The following EXOC6B variants were observed in gnomAD, a reference collection of about 807,000 sequenced individuals.
EXOC6B encodes exocyst complex component 6B, also known as SEC15 homolog B.
EXOC6B carries 54 observed loss-of-function variants against 113.5 expected under a neutral mutation model. The ratio of observed to expected loss-of-function variants is 0.48; its 90% CI spans 0.38 to 0.60. EXOC6B has a LOEUF of 0.60. Ranked by LOEUF, EXOC6B falls within the 20% of genes least tolerant of loss-of-function variation. The probability of loss-of-function intolerance (pLI) is 0.00; values close to 1 mark genes in which losing one functional copy is unlikely to be tolerated. For missense variants in EXOC6B, 797 were observed against 977.5 expected, an observed-to-expected ratio of 0.82 and a Z score of 2.46; for synonymous variants, 357 against 339.0, an observed-to-expected ratio of 1.05 and a Z score of -0.58.
intron 6 of EXOC6B, among the ~76,000 whole-genome samples, chr2:72,607,636 C>T (rs1355955764): frequency 6.6e-6 from 1 of 152,060 alleles, no homozygotes; most frequent in African/African-American, 2.4e-5. Flanking sequence ...ATTCACTGAT[C>T]TATACACAGA....
At position 72,825,934 on chromosome 2, in the gene EXOC6B, G is replaced by A; in HGVS notation, c.-24C>T. The A allele has an allele frequency of 6.2e-7, 1 of 1,608,904 alleles. No individual in the cohort carries two copies. Among genetic ancestry groups the A allele is most frequent in the Non-Finnish European group, 8.5e-7 (1 of 1,178,832 alleles). On this transcript the variant is annotated 5_prime_UTR_variant, in exon 1 of 22. In the 5' UTR this introduces an upstream ATG that the reference lacks. Transcript: ENST00000272427. The surrounding 1 kb of genome is among the most constrained non-coding windows in gnomAD (Gnocchi z 4.4). ...ATAGACTGGGGGCGCCCCGCAGCGCGTCCCCTCCGTCGGCTCGGCTCACCT... is the reference window on the plus strand; with the variant it reads ...ATAGACTGGGGGCGCCCCGCAGCGCATCCCCTCCGTCGGCTCGGCTCACCT...
At chr2:72,270,228 GGGTGGTCAAAAT>G (rs1444113639) in intron 20 of EXOC6B, among the ~76,000 whole-genome samples, 1 of 152,066 alleles carries the variant, frequency 6.6e-6, no homozygotes, top group Non-Finnish European at 1.5e-5. Context: ...TAAAACCCCT[GGGTGGTCAAAAT>G]TTGGAGTACT....
chr2:72,506,507 A>C (rs1700604247), intron 11 of EXOC6B, among the ~76,000 whole-genome samples: 1 of 152,148 alleles, frequency 6.6e-6, no homozygotes, highest in Non-Finnish European at 1.5e-5. Flanking sequence ...TGAGTGTTTA[A>C]CCTATCTATC....
intron 6 of EXOC6B, among the ~76,000 whole-genome samples, chr2:72,590,056 T>C (rs1438404331): frequency 2.0e-5 from 3 of 152,002 alleles, no homozygotes; most frequent in Non-Finnish European, 2.9e-5. Flanking sequence ...AGCCAGGACA[T>C]AACGTCTCCT....
At chr2:72,627,025 G>C (rs1203491410) in intron 6 of EXOC6B, among the ~76,000 whole-genome samples, 1 of 151,968 alleles carries the variant, frequency 6.6e-6, no homozygotes, top group East Asian at 1.9e-4. Context: ...AGGGTGGGTG[G>C]GTTGAAGATT....
intron 1 of EXOC6B, among the ~76,000 whole-genome samples, chr2:72,788,701 G>A (rs542396392): frequency 5.1e-4 from 78 of 152,302 alleles, no homozygotes; most frequent in African/African-American, 1.8e-3. Context: ...CAGAGGCTGA[G>A]GTGGAAGGAT....
chr2:72,689,551 AT>A (rs1358350477), intron 6 of EXOC6B, among the ~76,000 whole-genome samples: 3 of 152,142 alleles, frequency 2.0e-5, no homozygotes, highest in Non-Finnish European at 4.4e-5. Flanking sequence ...GATATAATTG[AT>A]TGGCTATGAA....
intron 1 of EXOC6B, among the ~76,000 whole-genome samples, chr2:72,800,432 A>C (rs1346368621): frequency 6.6e-6 from 1 of 152,218 alleles, no homozygotes. Flanking sequence ...CTGTCATAAA[A>C]AAATCAAAAT....
intron 6 of EXOC6B, among the ~76,000 whole-genome samples, chr2:72,618,962 A>G (rs1397421669): frequency 6.6e-6 from 1 of 152,250 alleles, no homozygotes; most frequent in East Asian, 1.9e-4. Flanking sequence ...TTTAGGAATT[A>G]GCATGTGACT....
chr2:72,629,146 C>T (rs1672238402), intron 6 of EXOC6B, among the ~76,000 whole-genome samples: 1 of 152,148 alleles, frequency 6.6e-6, no homozygotes, highest in South Asian at 2.1e-4. Context: ...TATTTTCTGT[C>T]CCCAAAGATA....
intron 6 of EXOC6B, among the ~76,000 whole-genome samples, chr2:72,578,924 A>G (rs1347245817): frequency 6.6e-6 from 1 of 152,184 alleles, no homozygotes; most frequent in Non-Finnish European, 1.5e-5. Flanking sequence ...TATATAAAGC[A>G]GTTTCAATGT....
chr2:72,428,908 T>G (rs974576352), intron 18 of EXOC6B, among the ~76,000 whole-genome samples: 4 of 152,206 alleles, frequency 2.6e-5, no homozygotes, highest in Non-Finnish European at 4.4e-5. Context: ...TTCTTAGAAC[T>G]CCTAGAATTT....
chr2:72,483,645 C>A (rs943285267), intron 16 of EXOC6B, among the ~76,000 whole-genome samples: 1 of 152,142 alleles, frequency 6.6e-6, no homozygotes, highest in African/African-American at 2.4e-5. Flanking sequence ...ACAGTAGATA[C>A]CATGTCATTT....
intron 20 of EXOC6B, among the ~76,000 whole-genome samples, chr2:72,247,508 G>A (rs1332433149): frequency 6.6e-6 from 1 of 152,172 alleles, no homozygotes; most frequent in Non-Finnish European, 1.5e-5. Flanking sequence ...TCTCCCTGTA[G>A]CTCTTCCAAA....
rs540376859 is a variant in EXOC6B, at chr2:72,786,199, T to C, written c.113+39599A>G. 1.0e-3 allele frequency among the ~76,000 whole-genome samples: 159 copies of C among 152,248 alleles called. 1 individual carries two copies. The highest frequency in any genetic ancestry group is 6.8e-3 in the Middle Eastern group (2 of 294). On this transcript the variant is annotated intron_variant, in intron 1 of 21. Transcript: ENST00000272427. ...ACAATGAATAAATATTTATTTAGGGTTAGATTATGTCCTCTATACCAACAT... is the reference window on the plus strand; with the variant it reads ...ACAATGAATAAATATTTATTTAGGGCTAGATTATGTCCTCTATACCAACAT...
intron 19 of EXOC6B, 189 bp from the exon 20 acceptor site, chr2:72,335,209 C>T: frequency 1.7e-6 from 1 of 578,268 alleles, no homozygotes; most frequent in Admixed American, 3.0e-5. Flanking sequence ...ACCATTAATT[C>T]CAGCATCCTG....
At chr2:72,742,935 G>A (rs757458478) in intron 1 of EXOC6B, among the ~76,000 whole-genome samples, 13 of 151,840 alleles carry the variant, frequency 8.6e-5, no homozygotes, top group African/African-American at 2.2e-4. Context: ...AGTATTTAAC[G>A]TAGAAAAAAA....
intron 1 of EXOC6B, among the ~76,000 whole-genome samples, chr2:72,787,917 G>A (rs1167505711): frequency 1.3e-5 from 2 of 152,160 alleles, no homozygotes; most frequent in African/African-American, 2.4e-5. Flanking sequence ...GACCCATTCA[G>A]CTATCAGAAC....
At chr2:72,352,409 G>T (rs1378701762) in intron 19 of EXOC6B, among the ~76,000 whole-genome samples, 1 of 152,132 alleles carries the variant, frequency 6.6e-6, no homozygotes, top group Non-Finnish European at 1.5e-5. Flanking sequence ...GGAAGTGTTG[G>T]CAATGATATT....
Sources: gnomAD v4.1 joint callset for allele counts (sites outside exome capture counted in the v4.1 genomes callset) on GRCh38, gnomAD v4.1.1 for gene constraint, Gnocchi (gnomAD v3.1) non-coding constraint, MANE v1.5 for transcripts, NCBI Gene and HGNC (gene_info 2026-07-23, HGNC 2026-07-21) for gene names.